KDM2A: variants seen among roughly 807,000 people sequenced by gnomAD.
KDM2A encodes the protein lysine-specific demethylase 2A.
KDM2A carries 3 observed loss-of-function variants against 137.3 expected under a neutral mutation model. The observed-to-expected ratio is 0.02, with a 90% CI of 0.01 to 0.06. KDM2A has a LOEUF of 0.06. Among genes scored for constraint, KDM2A ranks in the 10% least tolerant of loss-of-function variants. KDM2A has a pLI of 1.00. For missense variants in KDM2A, 738 were observed against 1,510.6 expected (o/e 0.49, Z 8.48); for synonymous variants, 512 against 541.5 (o/e 0.95, Z 0.76).
intron 2 of KDM2A, among the ~76,000 whole-genome samples, chr11:67,125,963 A>G (rs1431467156): frequency 7.2e-6 from 1 of 137,990 alleles, no homozygotes; most frequent in African/African-American, 3.0e-5. Context: ...AAAAAAAAAA[A>G]GGCCAGGCAC....
At chr11:67,167,605 G>A in intron 2 of KDM2A, among the ~76,000 whole-genome samples, 1 of 151,074 alleles carries the variant, frequency 6.6e-6, no homozygotes, top group East Asian at 1.9e-4. Context: ...TTTCCTTAAA[G>A]GTCCTACTGA....
At position 67,254,530 on chromosome 11, in the gene KDM2A, T is replaced by C. The variant is rs1019215207; in HGVS notation, c.3307+112T>C. The C allele has an allele frequency of 3.4e-6, 3 of 884,852 alleles. No individual in the cohort carries two copies. The highest frequency in any genetic ancestry group is 5.5e-6 in the Non-Finnish European group (3 of 544,772). 54.8% of individuals were successfully genotyped at this position (884,852 alleles called of 1,614,324 possible). ...GGTCTGTTGATTGACCCACATCAGC[T>C]CATTTCTTCACATCTGGACAAGGAC... On this transcript the variant is annotated intron_variant, in intron 20 of 20. Coordinates refer to ENST00000529006, the MANE Select transcript of KDM2A (RefSeq NM_012308.3). This position sits in a 1 kb window ranked among gnomAD's most constrained non-coding sequence, Gnocchi z 4.7.
intron 2 of KDM2A, among the ~76,000 whole-genome samples, chr11:67,150,068 C>G (rs1053126772): frequency 4.6e-5 from 7 of 152,096 alleles, no homozygotes; most frequent in African/African-American, 1.2e-4. Context: ...TAGCAAAATT[C>G]AACAATTCGT....
Position 67,255,095 on chromosome 11 carries a change from C to T in KDM2A, c.*40C>T, listed in dbSNP as rs1193073232. ...AGATTCAACAGGAAACCGATCTTCC[C>T]CTGACTCCCCACCGAGGAGAGCCTC... is the stretch of plus-strand genomic sequence containing the variant. On this transcript the variant is annotated 3_prime_UTR_variant, in exon 21 of 21. Transcript: ENST00000529006. 1.1e-5 allele frequency: 17 copies of T among 1,563,352 alleles called. No individual in the cohort carries two copies. The highest frequency in any genetic ancestry group is 1.5e-5 in the Non-Finnish European group (17 of 1,150,972).
rs1204541641 is a variant in KDM2A, at chr11:67,250,077, GT to G, written c.2056-5del. ...GCACTGATGTTGCTTTTCTGGGCCT[GT>G]TTTGCAGAAGCGGAAAATGGAAGAG... On this transcript the variant is annotated splice_polypyrimidine_tract_variant and splice_region_variant and intron_variant, in intron 16 of 20. Transcript: ENST00000529006. This position sits in a 1 kb window ranked among gnomAD's most constrained non-coding sequence, Gnocchi z 7.1. The G allele has an allele frequency of 1.9e-6, 3 of 1,571,928 alleles. No homozygotes were observed. The highest frequency in any genetic ancestry group is 2.6e-6 in the Non-Finnish European group (3 of 1,158,716).
In KDM2A at chr11:67,257,813, C is replaced by T. The variant is rs1390981098; in HGVS notation, c.*2758C>T. 1.3e-5 allele frequency: 2 copies of T among 152,094 alleles called. No individual in the cohort carries two copies. The highest frequency in any genetic ancestry group is 4.8e-5 in the African/African-American group (2 of 41,392). 9.4% of individuals were successfully genotyped at this position (152,094 alleles called of 1,614,324 possible). A position where few individuals can be genotyped will look rare whatever the true frequency, so the allele number is the denominator to read the frequency against. On this transcript the variant is annotated 3_prime_UTR_variant, in exon 21 of 21. Coordinates refer to ENST00000529006, the MANE Select transcript of KDM2A (RefSeq NM_012308.3). ...ATTAAGGGGATAAGTCTTATGCTAT[C>T]TCAGTTGACACATTGAGGTTATTTT...
chr11:67,168,632 C>T (rs1856806644), intron 2 of KDM2A, among the ~76,000 whole-genome samples: 4 of 138,168 alleles, frequency 2.9e-5, no homozygotes, highest in Admixed American at 1.6e-4. Flanking sequence ...CACACACACA[C>T]ACACACACAC....
intron 2 of KDM2A, among the ~76,000 whole-genome samples, chr11:67,151,252 C>A (rs953167281): frequency 6.6e-6 from 1 of 151,900 alleles, no homozygotes; most frequent in Non-Finnish European, 1.5e-5. Flanking sequence ...TTGTGTTGTA[C>A]GCTATGGTAG....
Position 67,122,691 on chromosome 11 carries a change from T to A in KDM2A, c.42+1333T>A, listed in dbSNP as rs560939866. On this transcript the variant is annotated intron_variant, in intron 2 of 20. Coordinates refer to ENST00000529006, the MANE Select transcript of KDM2A (RefSeq NM_012308.3). ...TATTTATTTATTTATTTATTTATTT[T>A]TTGAGACAGAGTCTGGCTCTGTTGC... Among the ~76,000 whole-genome samples, 138 of 143,076 alleles carry A rather than the reference T, an allele frequency of 9.6e-4. No individual in the cohort carries two copies. In the East Asian group the frequency reaches 0.012, roughly 13 times the overall value. 93.9% of individuals were successfully genotyped at this position (143,076 alleles called of 152,430 possible). A position where few individuals can be genotyped will look rare whatever the true frequency, so the allele number is the denominator to read the frequency against.
intron 2 of KDM2A, among the ~76,000 whole-genome samples, chr11:67,128,530 G>T (rs1360342558): frequency 6.6e-6 from 1 of 152,026 alleles, no homozygotes; most frequent in Non-Finnish European, 1.5e-5. Flanking sequence ...CATTGTTGCG[G>T]CCTCCCTCCT....
intron 6 of KDM2A, among the ~76,000 whole-genome samples, chr11:67,208,801 A>G (rs1857891206): frequency 6.6e-6 from 1 of 151,616 alleles, no homozygotes; most frequent in South Asian, 2.1e-4. Flanking sequence ...ACTCTTGACC[A>G]GGCATGGTGG....
At chr11:67,234,737 C>A (rs917570607) in intron 12 of KDM2A, among the ~76,000 whole-genome samples, 1 of 152,114 alleles carries the variant, frequency 6.6e-6, no homozygotes, top group African/African-American at 2.4e-5. Flanking sequence ...TTTGTGATCC[C>A]AGCTACGTGG....
At position 67,253,593 on chromosome 11, in the gene KDM2A, C is replaced by G. The variant is rs990939096; in HGVS notation, c.3073C>G (p.Pro1025Ala). 1.1e-5 allele frequency: 18 copies of G among 1,613,782 alleles called. No individual in the cohort carries two copies. The highest frequency in any genetic ancestry group is 1.4e-5 in the Non-Finnish European group (16 of 1,179,846). The change falls in exon 19 of 21, where the codon CCA becomes GCA. Residue 1025 changes from proline (P) to alanine (A), a missense_variant. This residue lies in a region of KDM2A where 166 missense variants were observed against 324.0 expected (regional missense o/e 0.51). Coordinates refer to ENST00000529006, the MANE Select transcript of KDM2A (RefSeq NM_012308.3). Reference protein sequence around the residue: ...KDPQIRDLLTPPADKPGQDNR... With the variant: ...KDPQIRDLLTAPADKPGQDNR... The stretch of plus-strand genomic sequence containing the variant: ...CCCTCAAATTCGGGACTTGCTTACT[C>G]CACCGGCTGATAAACCAGGTATGCT...
At chr11:67,202,372 C>T (rs1051762760) in intron 5 of KDM2A, among the ~76,000 whole-genome samples, 4 of 152,134 alleles carry the variant, frequency 2.6e-5, no homozygotes, top group African/African-American at 9.7e-5. Context: ...TTTTGAAAGA[C>T]GTTCTACCAT....
At chr11:67,207,449 C>T (rs1311893636) in intron 5 of KDM2A, 61 bp from the exon 6 acceptor site, 2 of 1,257,700 alleles carry the variant, frequency 1.6e-6, no homozygotes, top group African/African-American at 3.0e-5. Flanking sequence ...AAAAAATATT[C>T]TTACTATATT....
intron 12 of KDM2A, among the ~76,000 whole-genome samples, chr11:67,242,006 G>A (rs978817500): frequency 6.6e-6 from 1 of 152,132 alleles, no homozygotes; most frequent in Non-Finnish European, 1.5e-5. Flanking sequence ...GAGGCGAGGC[G>A]GAGGTTGCAG....
intron 6 of KDM2A, among the ~76,000 whole-genome samples, chr11:67,210,011 G>A (rs1236460666): frequency 1.3e-5 from 2 of 151,742 alleles, no homozygotes; most frequent in Admixed American, 6.6e-5. Context: ...AGTGAGCTGT[G>A]ATCACTGTAG....
At chr11:67,124,435 C>G (rs1855670034) in intron 2 of KDM2A, among the ~76,000 whole-genome samples, 1 of 151,994 alleles carries the variant, frequency 6.6e-6, no homozygotes, top group Admixed American at 6.6e-5. Flanking sequence ...CCTCAGCCTC[C>G]CAAGTAGCTG....
At chr11:67,189,115 C>A (rs1857281732) in intron 5 of KDM2A, among the ~76,000 whole-genome samples, 1 of 152,170 alleles carries the variant, frequency 6.6e-6, no homozygotes, top group Non-Finnish European at 1.5e-5. Context: ...CATACACATT[C>A]TTTTCAAGTG....
Sources: gnomAD v4.1 joint callset for allele counts (sites outside exome capture counted in the v4.1 genomes callset) on GRCh38, gnomAD v4.1.1 for gene constraint, gnomAD v4.1.1 regional missense constraint, Gnocchi (gnomAD v3.1) non-coding constraint, MANE v1.5 for transcripts, NCBI Gene and HGNC (gene_info 2026-07-23, HGNC 2026-07-21) for gene names.